The following SWAP70 variants were observed in gnomAD, a reference collection of about 807,000 sequenced individuals.
The protein encoded by SWAP70 is switch-associated protein 70.
In SWAP70, 34 loss-of-function variants were observed where a neutral mutation model predicts 80.2. That is an observed-to-expected ratio of 0.42 (90% confidence interval 0.32 to 0.56). The LOEUF is 0.56. Among genes scored for constraint, SWAP70 ranks in the 20% least tolerant of loss-of-function variants. SWAP70 has a pLI of 0.09. For synonymous variants in SWAP70, 239 were observed against 238.5 expected, an observed-to-expected ratio of 1.00 and a Z score of -0.02; for missense variants, 578 against 690.7, an observed-to-expected ratio of 0.84 and a Z score of 1.83.
At chr11:9,718,202 C>G (rs1851089940) in intron 3 of SWAP70, among the ~76,000 whole-genome samples, 1 of 152,190 alleles carries the variant, frequency 6.6e-6, no homozygotes, top group South Asian at 2.1e-4. Context: ...GGCAGCATAC[C>G]TTGTCATGTT....
intron 7 of SWAP70, among the ~76,000 whole-genome samples, chr11:9,736,436 T>A (rs562249565): frequency 7.9e-6 from 1 of 126,732 alleles, no homozygotes; most frequent in Non-Finnish European, 1.5e-5. Context: ...CATAATTTCT[T>A]GTAGAAAACT....
intron 4 of SWAP70, among the ~76,000 whole-genome samples, chr11:9,725,570 T>A (rs1851210547): frequency 7.2e-5 from 1 of 13,800 alleles, no homozygotes; most frequent in African/African-American, 3.9e-4. Context: ...TATATATATA[T>A]TTTTTTTTTT....
rs568748020 is a variant in SWAP70, at chr11:9,676,448, C to T, written c.99+12170C>T. On this transcript the variant is annotated intron_variant, in intron 1 of 11. Coordinates refer to ENST00000318950, the MANE Select transcript of SWAP70 (RefSeq NM_015055.4). ...CAGGACTCCCTGCAGATACCAAAAT[C>T]GTAGGATGCTCAAGACTCTTATATA... Among the ~76,000 whole-genome samples, 19 of 152,218 alleles carry T rather than the reference C, an allele frequency of 1.2e-4. No individual in the cohort carries two copies. The South Asian group carries it at 3.3e-3, about 27-fold the overall frequency.
intron 2 of SWAP70, among the ~76,000 whole-genome samples, chr11:9,708,848 C>T (rs762209967): frequency 1.4e-4 from 22 of 152,176 alleles, no homozygotes; most frequent in Non-Finnish European, 2.5e-4. Context: ...TGGCATTCAT[C>T]CCATAGATGG....
rs568218837 is a variant in SWAP70, at chr11:9,748,370, C to T, written c.1554+314C>T. On this transcript the variant is annotated intron_variant, in intron 10 of 11. Coordinates refer to ENST00000318950, the MANE Select transcript of SWAP70 (RefSeq NM_015055.4). The stretch of plus-strand genomic sequence containing the variant: ...CAGACGTAGGGAGCAGCCACTGCCT[C>T]GAAAACTGAGGCAGAGCACCAGGGA... 2.6e-5 allele frequency among the ~76,000 whole-genome samples: 4 copies of T among 152,292 alleles called. No individual in the cohort carries two copies. The East Asian group carries it at 7.7e-4, about 29-fold the overall frequency.
At position 9,752,162 on chromosome 11, in the gene SWAP70, A is replaced by G. The variant is rs1292381098; in HGVS notation, c.*2192A>G. 1 of 152,276 alleles carries G rather than the reference A, an allele frequency of 6.6e-6. No homozygotes were observed. The highest frequency in any genetic ancestry group is 1.9e-4 in the East Asian group (1 of 5,208). 9.4% of individuals were successfully genotyped at this position (152,276 alleles called of 1,614,324 possible). A position where few individuals can be genotyped will look rare whatever the true frequency, so the allele number is the denominator to read the frequency against. On this transcript the variant is annotated 3_prime_UTR_variant, in exon 12 of 12. Transcript: ENST00000318950. ...TAGTCTCTGCATGGTGGGGAGGATC[A>G]TGATGGAATATGTGAATTTCTACTT...
In SWAP70 at chr11:9,713,650, G is replaced by A; in HGVS notation, c.414+11G>A. ...ATTGTGTCAGAAGAGGTAAGGTGTG[G>A]CTTGGGGAGTTTTTACTTGGTCATT... is the stretch of plus-strand genomic sequence containing the variant. On this transcript the variant is annotated intron_variant, in intron 3 of 11. Coordinates refer to ENST00000318950, the MANE Select transcript of SWAP70 (RefSeq NM_015055.4). 6.2e-7 allele frequency: 1 copy of A among 1,602,838 alleles called. No individual in the cohort carries two copies. The highest frequency in any genetic ancestry group is 8.5e-7 in the Non-Finnish European group (1 of 1,175,606).
intron 6 of SWAP70, among the ~76,000 whole-genome samples, chr11:9,730,103 C>T (rs1197729347): frequency 4.6e-5 from 7 of 152,050 alleles, no homozygotes; most frequent in African/African-American, 9.7e-5. Context: ...CATCCCTTGC[C>T]GGCCTCCTGC....
At chr11:9,716,568 A>G (rs2133799109) in intron 3 of SWAP70, among the ~76,000 whole-genome samples, 1 of 152,284 alleles carries the variant, frequency 6.6e-6, no homozygotes, top group African/African-American at 2.4e-5. Flanking sequence ...CTCTGTGAGG[A>G]TTGAAAAAGT....
intron 1 of SWAP70, among the ~76,000 whole-genome samples, chr11:9,669,242 A>T (rs1850345036): frequency 6.6e-6 from 1 of 152,158 alleles, no homozygotes; most frequent in South Asian, 2.1e-4. Context: ...CCATTCTATT[A>T]ATTAATTAAT....
intron 7 of SWAP70, among the ~76,000 whole-genome samples, chr11:9,733,019 G>A (rs1434793960): frequency 6.6e-6 from 1 of 152,118 alleles, no homozygotes. Context: ...AGGGTGTCAA[G>A]GCTGTTCTTA....
At chr11:9,733,806 G>A (rs1296551148) in intron 7 of SWAP70, among the ~76,000 whole-genome samples, 2 of 152,060 alleles carry the variant, frequency 1.3e-5, no homozygotes, top group Non-Finnish European at 2.9e-5. Context: ...GGGAATGGTG[G>A]GGAGCTAGAA....
intron 3 of SWAP70, among the ~76,000 whole-genome samples, chr11:9,719,473 A>T (rs1216630463): frequency 6.6e-6 from 1 of 152,166 alleles, no homozygotes; most frequent in Non-Finnish European, 1.5e-5. Context: ...GCTTGAACCC[A>T]GGAGGTGGAG....
chr11:9,729,248 G>A, intron 5 of SWAP70, 95 bp from the exon 6 acceptor site: 2 of 768,680 alleles, frequency 2.6e-6, no homozygotes, highest in Non-Finnish European at 4.3e-6. Context: ...ATTTTTCATT[G>A]ACATTAAGTT....
In SWAP70 at chr11:9,752,534, G is replaced by A. The variant is rs1851604603; in HGVS notation, c.*2564G>A. Reference sequence around the variant, plus strand: ...CTAAGATAGATACTTGTGAATCAAAGATAGCACAGAAATGAACTAAGTATA... The same window carrying A: ...CTAAGATAGATACTTGTGAATCAAAAATAGCACAGAAATGAACTAAGTATA... On this transcript the variant is annotated 3_prime_UTR_variant, in exon 12 of 12. Coordinates refer to ENST00000318950, the MANE Select transcript of SWAP70 (RefSeq NM_015055.4). 6.6e-6 allele frequency: 1 copy of A among 152,232 alleles called. No individual in the cohort carries two copies. The highest frequency in any genetic ancestry group is 6.5e-5 in the Admixed American group (1 of 15,286). 9.4% of individuals were successfully genotyped at this position (152,232 alleles called of 1,614,324 possible).
intron 2 of SWAP70, among the ~76,000 whole-genome samples, chr11:9,696,062 AAG>A (rs966339761): frequency 1.3e-5 from 2 of 152,186 alleles, no homozygotes; most frequent in African/African-American, 4.8e-5. Flanking sequence ...TGAATATTAA[AAG>A]TGATGATTAT....
chr11:9,709,391 A>G (rs1386909112), intron 2 of SWAP70, among the ~76,000 whole-genome samples: 1 of 152,194 alleles, frequency 6.6e-6, no homozygotes, highest in Non-Finnish European at 1.5e-5. Flanking sequence ...AGCCTCCCAA[A>G]GCATTGGAAT....
chr11:9,677,616 T>G (rs764114074), intron 1 of SWAP70, among the ~76,000 whole-genome samples: 2 of 152,168 alleles, frequency 1.3e-5, no homozygotes, highest in Non-Finnish European at 1.5e-5. Context: ...CTAGTGATAT[T>G]TTTTGCAACC....
chr11:9,664,444 G>A (rs1032520435), intron 1 of SWAP70, among the ~76,000 whole-genome samples, 166 bp downstream of exon 1: 1 of 152,202 alleles, frequency 6.6e-6, no homozygotes, highest in African/African-American at 2.4e-5. Flanking sequence ...GGGATTTGGT[G>A]TTTACTGCCT....
Sources: gnomAD v4.1 joint callset for allele counts (sites outside exome capture counted in the v4.1 genomes callset) on GRCh38, gnomAD v4.1.1 for gene constraint, MANE v1.5 for transcripts, NCBI Gene and HGNC (gene_info 2026-07-23, HGNC 2026-07-21) for gene names.